The following KDM4C variants were observed in gnomAD, a reference collection of about 807,000 sequenced individuals.
KDM4C encodes the protein lysine-specific demethylase 4C.
Under a neutral mutation model 129.3 loss-of-function variants are expected in KDM4C, and 81 were observed. That is an observed-to-expected ratio of 0.63 (90% CI 0.52 to 0.75). The LOEUF (loss-of-function observed/expected upper bound fraction) is 0.75, where lower values mean the gene tolerates loss of function less well. KDM4C is among the 30% of genes least tolerant of loss of function. The pLI is 0.00. For synonymous variants in KDM4C, 573 were observed against 456.1 expected (o/e 1.26, Z -3.26); for missense variants, 1,457 against 1,304.0 (o/e 1.12, Z -1.81).
At chr9:6,748,896 G>C (rs752138563) in intron 1 of KDM4C, 2 of 960,296 alleles carry the variant, frequency 2.1e-6, no homozygotes, top group Non-Finnish European at 3.4e-6. Context: ...CTGAATCTGC[G>C]ATCTATTTTG....
intron 17 of KDM4C, among the ~76,000 whole-genome samples, chr9:7,049,810 T>C (rs374708547): frequency 1.3e-5 from 2 of 152,214 alleles, no homozygotes; most frequent in East Asian, 3.9e-4. Flanking sequence ...TTGAAGTAAC[T>C]TTGTAGTTTT....
chr9:6,921,797 C>A (rs1036088898), intron 8 of KDM4C, among the ~76,000 whole-genome samples: 1 of 152,094 alleles, frequency 6.6e-6, no homozygotes, highest in Non-Finnish European at 1.5e-5. Flanking sequence ...CCCTACCCCC[C>A]ATCTTTGACT....
rs552160879 is a variant in KDM4C at position 7,055,360 on chromosome 9, GC to G, written c.2424+6164del. ...AATGAATTTTGGAATAGCAGGATTT[GC>G]CCCTGGGCATTCGATGACCTCTGAT... On this transcript the variant is annotated intron_variant, in intron 17 of 21. Coordinates refer to ENST00000381309, the MANE Select transcript of KDM4C (RefSeq NM_015061.6). 5.9e-5 allele frequency among the ~76,000 whole-genome samples: 9 copies of G among 152,312 alleles called. 1 individual carries two copies. The South Asian group carries it at 1.2e-3, about 21-fold the overall frequency.
At chr9:6,785,207 T>G (rs1825207672) in intron 1 of KDM4C, among the ~76,000 whole-genome samples, 1 of 152,236 alleles carries the variant, frequency 6.6e-6, no homozygotes, top group Non-Finnish European at 1.5e-5. Flanking sequence ...AGGAATCTGC[T>G]TACAGCCTTT....
At chr9:6,880,383 G>T (rs1844250897) in intron 6 of KDM4C, among the ~76,000 whole-genome samples, 2 of 152,102 alleles carry the variant, frequency 1.3e-5, no homozygotes, top group Non-Finnish European at 2.9e-5. Context: ...CAACGTCATT[G>T]TGCCAATAAT....
chr9:7,092,119 T>C (rs57995226), intron 17 of KDM4C, among the ~76,000 whole-genome samples: 24,626 of 152,148 alleles, frequency 0.16, 2,325 homozygotes, highest in South Asian at 0.34. Context: ...CTGTTTCTTT[T>C]TTCTTCTTCT....
intron 1 of KDM4C, among the ~76,000 whole-genome samples, chr9:6,772,661 C>T (rs1399342833): frequency 7.1e-6 from 1 of 141,192 alleles, no homozygotes; most frequent in Non-Finnish European, 1.5e-5. Context: ...GCGCCTGGCA[C>T]AGATTATTTT....
At chr9:7,038,713 C>T (rs1828061994) in intron 15 of KDM4C, among the ~76,000 whole-genome samples, 1 of 151,994 alleles carries the variant, frequency 6.6e-6, no homozygotes, top group Non-Finnish European at 1.5e-5. Flanking sequence ...GTCATTATTT[C>T]TGTGCATTTA....
At chr9:6,930,776 C>T (rs964555074) in intron 8 of KDM4C, among the ~76,000 whole-genome samples, 3 of 150,352 alleles carry the variant, frequency 2.0e-5, no homozygotes, top group Non-Finnish European at 3.0e-5. Flanking sequence ...ATGTATCATT[C>T]TTTCATACCT....
At chr9:6,741,655 T>C (rs1023322903) in intron 1 of KDM4C, among the ~76,000 whole-genome samples, 1 of 151,236 alleles carries the variant, frequency 6.6e-6, no homozygotes, top group African/African-American at 2.4e-5. Context: ...AATATTTTCA[T>C]TGAATTTTGA....
At chr9:6,925,915 C>T (rs1189377637) in intron 8 of KDM4C, among the ~76,000 whole-genome samples, 3 of 152,114 alleles carry the variant, frequency 2.0e-5, no homozygotes. Context: ...TGAGCCGCAG[C>T]TTAGCTTGGG....
chr9:7,097,068 C>T (rs1836525226), intron 17 of KDM4C, among the ~76,000 whole-genome samples: 1 of 152,082 alleles, frequency 6.6e-6, no homozygotes, highest in Admixed American at 6.5e-5. Context: ...AATGTTTTTC[C>T]TCCTTCTTCA....
intron 1 of KDM4C, among the ~76,000 whole-genome samples, chr9:6,776,814 A>T (rs1335449748): frequency 6.6e-6 from 1 of 151,190 alleles, no homozygotes; most frequent in Non-Finnish European, 1.5e-5. Flanking sequence ...CATCTTGGCC[A>T]GTGGGTCTCA....
At chr9:6,721,736 C>G (rs1816962291) in intron 1 of KDM4C, among the ~76,000 whole-genome samples, 4 of 151,910 alleles carry the variant, frequency 2.6e-5, no homozygotes, top group Admixed American at 2.6e-4. Flanking sequence ...TTACAGGTGC[C>G]TGCCGCCACG....
At chr9:6,826,510 G>T (rs549526040) in intron 4 of KDM4C, among the ~76,000 whole-genome samples, 3 of 151,986 alleles carry the variant, frequency 2.0e-5, no homozygotes, top group Non-Finnish European at 2.9e-5. Flanking sequence ...TCCCCCTTCT[G>T]TTTGACCCAT....
chr9:7,091,056 G>A (rs538447523), intron 17 of KDM4C, among the ~76,000 whole-genome samples: 1 of 152,230 alleles, frequency 6.6e-6, no homozygotes, highest in Non-Finnish European at 1.5e-5. Flanking sequence ...AAAATTTGAG[G>A]AAAACCCCCC....
At chr9:6,991,734 T>G (rs1818785221) in intron 12 of KDM4C, among the ~76,000 whole-genome samples, 1 of 152,222 alleles carries the variant, frequency 6.6e-6, no homozygotes, top group South Asian at 2.1e-4. Flanking sequence ...GTCCCATGTT[T>G]AGTTAGAAAA....
chr9:7,056,801 TC>T (rs1760144848), intron 17 of KDM4C, among the ~76,000 whole-genome samples: 2 of 152,240 alleles, frequency 1.3e-5, no homozygotes, highest in Admixed American at 6.5e-5. Context: ...TCCATTTTTT[TC>T]TGATCTTGTC....
intron 8 of KDM4C, among the ~76,000 whole-genome samples, chr9:6,946,613 A>G (rs1171434591): frequency 1.3e-5 from 2 of 152,088 alleles, no homozygotes; most frequent in Non-Finnish European, 2.9e-5. Context: ...GAGACTTTTC[A>G]AGGTGTTTGT....
Sources: allele counts gnomAD v4.1 joint callset (sites outside exome capture counted in the v4.1 genomes callset), GRCh38; gene constraint gnomAD v4.1.1; transcripts MANE v1.5; gene names NCBI Gene and HGNC (gene_info 2026-07-23, HGNC 2026-07-21).